Variants in GPC6 observed in about 807,000 individuals in gnomAD.
GPC6 encodes the protein glypican 6.
GPC6 carries 14 observed loss-of-function variants against 55.2 expected under a neutral mutation model. That is an observed-to-expected ratio of 0.25 (90% CI 0.17 to 0.40). GPC6 has a LOEUF of 0.40. Ranked by LOEUF, GPC6 falls within the 10% of genes least tolerant of loss-of-function variation. The pLI is 1.00. For synonymous variants in GPC6, 278 were observed against 259.6 expected (o/e 1.07, Z -0.68); for missense variants, 641 against 708.5 (o/e 0.90, Z 1.08).
chr13:94,130,750 A>G (rs546134107), intron 4 of GPC6, among the ~76,000 whole-genome samples: 1 of 152,126 alleles, frequency 6.6e-6, no homozygotes, highest in Admixed American at 6.6e-5. Flanking sequence ...CTTTATTAAG[A>G]GTCCTCATAG....
intron 4 of GPC6, among the ~76,000 whole-genome samples, chr13:94,281,865 T>C (rs1185527803): frequency 2.0e-5 from 3 of 152,226 alleles, no homozygotes; most frequent in Non-Finnish European, 4.4e-5. Flanking sequence ...TAATGCCTTG[T>C]AGAAGTTAAA....
intron 3 of GPC6, among the ~76,000 whole-genome samples, chr13:93,932,170 A>G (rs574924284): frequency 6.6e-6 from 1 of 152,372 alleles, no homozygotes; most frequent in East Asian, 1.9e-4. Flanking sequence ...CTGCTTAATC[A>G]TAATGCTAAA....
At chr13:93,268,402 T>C (rs1877396960) in intron 1 of GPC6, among the ~76,000 whole-genome samples, 1 of 152,232 alleles carries the variant, frequency 6.6e-6, no homozygotes, top group African/African-American at 2.4e-5. Context: ...ATTTAGAATA[T>C]TAAAATATGA....
At chr13:94,388,161 T>C (rs185713994) in intron 7 of GPC6, among the ~76,000 whole-genome samples, 4 of 152,334 alleles carry the variant, frequency 2.6e-5, no homozygotes, top group Middle Eastern at 3.4e-3. Flanking sequence ...TTGGCAACCA[T>C]GTGTTTTATC....
At chr13:93,808,155 A>T (rs1306311445) in intron 2 of GPC6, among the ~76,000 whole-genome samples, 1 of 152,216 alleles carries the variant, frequency 6.6e-6, no homozygotes, top group East Asian at 1.9e-4. Flanking sequence ...TATTCAGCAA[A>T]GACTAGATTA....
At chr13:93,508,205 A>G (rs1880810829) in intron 1 of GPC6, among the ~76,000 whole-genome samples, 4 of 152,214 alleles carry the variant, frequency 2.6e-5, no homozygotes, top group African/African-American at 7.2e-5. Flanking sequence ...TACAAGGGAT[A>G]GTCCATTGGA....
At chr13:94,160,829 A>G (rs934646409) in intron 4 of GPC6, among the ~76,000 whole-genome samples, 4 of 152,186 alleles carry the variant, frequency 2.6e-5, no homozygotes, top group African/African-American at 9.7e-5. Context: ...TTAATTTTGG[A>G]ACACTGATTC....
At chr13:93,938,985 C>T (rs1878585682) in intron 3 of GPC6, among the ~76,000 whole-genome samples, 1 of 152,060 alleles carries the variant, frequency 6.6e-6, no homozygotes, top group South Asian at 2.1e-4. Context: ...GCCTGTAGTC[C>T]CACCTACTCG....
At chr13:94,368,714 T>G (rs985438157) in intron 6 of GPC6, among the ~76,000 whole-genome samples, 1 of 152,188 alleles carries the variant, frequency 6.6e-6, no homozygotes, top group Non-Finnish European at 1.5e-5. Flanking sequence ...AGAGTGCATG[T>G]GTTTCCCGAG....
intron 1 of GPC6, among the ~76,000 whole-genome samples, chr13:93,355,668 T>C (rs764434731): frequency 6.6e-6 from 1 of 152,132 alleles, no homozygotes; most frequent in African/African-American, 2.4e-5. Context: ...AGAGAAGTGA[T>C]GGAACTAGAA....
At chr13:93,946,493 C>G (rs1157093984) in intron 3 of GPC6, among the ~76,000 whole-genome samples, 1 of 152,142 alleles carries the variant, frequency 6.6e-6, no homozygotes, top group African/African-American at 2.4e-5. Context: ...AATAATGACT[C>G]TATTTAACAA....
At chr13:93,715,142 C>T (rs939364954) in intron 2 of GPC6, among the ~76,000 whole-genome samples, 2 of 151,348 alleles carry the variant, frequency 1.3e-5, no homozygotes, top group Non-Finnish European at 3.0e-5. Flanking sequence ...TCAGTACTAC[C>T]AAAAAGACAC....
At chr13:93,676,011 C>T (rs533065689) in intron 2 of GPC6, among the ~76,000 whole-genome samples, 100 of 150,762 alleles carry the variant, frequency 6.6e-4, no homozygotes, top group African/African-American at 2.4e-3. Context: ...TGGCTCATGC[C>T]TGTAATCACA....
intron 1 of GPC6, among the ~76,000 whole-genome samples, chr13:93,323,284 A>G (rs1367703183): frequency 2.0e-5 from 3 of 152,190 alleles, no homozygotes; most frequent in Admixed American, 2.0e-4. Context: ...TTGATGACAC[A>G]TTATATGTGG....
At position 93,696,732 on chromosome 13, in the gene GPC6, C is replaced by G. The variant is rs556520673; in HGVS notation, c.320-133422C>G. Reference sequence around the variant, plus strand: ...CGCCCCACCGGGTTCAAATGATTCTCCTGCCTCAGCCTCCCTAGAAGCTGG... The same window carrying G: ...CGCCCCACCGGGTTCAAATGATTCTGCTGCCTCAGCCTCCCTAGAAGCTGG... On this transcript the variant is annotated intron_variant, in intron 2 of 8. Coordinates refer to ENST00000377047, the MANE Select transcript of GPC6 (RefSeq NM_005708.5). 5.5e-4 allele frequency among the ~76,000 whole-genome samples: 83 copies of G among 151,502 alleles called. 1 individual carries two copies. Among genetic ancestry groups the G allele is most frequent in the Non-Finnish European group, 1.1e-3 (72 of 67,934 alleles).
intron 1 of GPC6, among the ~76,000 whole-genome samples, chr13:93,533,862 A>G (rs1039791418): frequency 1.3e-5 from 2 of 152,020 alleles, no homozygotes; most frequent in African/African-American, 4.8e-5. Context: ...CCAAGAACTT[A>G]CTTTTTCTTG....
At chr13:94,317,515 T>C (rs907873075) in intron 6 of GPC6, among the ~76,000 whole-genome samples, 1 of 152,222 alleles carries the variant, frequency 6.6e-6, no homozygotes, top group African/African-American at 2.4e-5. Flanking sequence ...CTATCTTTAG[T>C]GCAAGACATG....
chr13:93,467,884 C>G (rs556986745), intron 1 of GPC6, among the ~76,000 whole-genome samples: 1 of 152,164 alleles, frequency 6.6e-6, no homozygotes, highest in East Asian at 1.9e-4. Flanking sequence ...AGCCACTGTG[C>G]CCAGCCAAGC....
At chr13:93,689,456 AG>A (rs1384227076) in intron 2 of GPC6, among the ~76,000 whole-genome samples, 1 of 152,070 alleles carries the variant, frequency 6.6e-6, no homozygotes, top group Non-Finnish European at 1.5e-5. Flanking sequence ...CAAGCACATT[AG>A]GGGGGATTAA....
Sources: gnomAD v4.1 joint callset for allele counts (sites outside exome capture counted in the v4.1 genomes callset) on GRCh38, gnomAD v4.1.1 for gene constraint, MANE v1.5 for transcripts, NCBI Gene and HGNC (gene_info 2026-07-23, HGNC 2026-07-21) for gene names.